IGF2BP2: variants seen among roughly 807,000 people sequenced by gnomAD.
The protein encoded by IGF2BP2 is insulin-like growth factor 2 mRNA-binding protein 2.
IGF2BP2 carries 17 observed loss-of-function variants against 75.8 expected under a neutral mutation model. The observed-to-expected ratio is 0.22, with a 90% CI of 0.15 to 0.34. The LOEUF is 0.34. Ranked by LOEUF, IGF2BP2 falls within the 10% of genes least tolerant of loss-of-function variation. The pLI is 1.00. For synonymous variants in IGF2BP2, 288 were observed against 295.6 expected, an observed-to-expected ratio of 0.97 and a Z score of 0.26; for missense variants, 516 against 772.4, an observed-to-expected ratio of 0.67 and a Z score of 3.93.
At chr3:185,651,000 C>T (rs2149055945) in intron 13 of IGF2BP2, among the ~76,000 whole-genome samples, 1 of 152,338 alleles carries the variant, frequency 6.6e-6, no homozygotes, top group South Asian at 2.1e-4. Context: ...CCTTGAACTT[C>T]TGGGTTCAAG....
At chr3:185,677,044 G>GATAGATATATATATAT (rs1553855687) in intron 7 of IGF2BP2, among the ~76,000 whole-genome samples, 1 of 23,860 alleles carries the variant, frequency 4.2e-5, no homozygotes, top group Non-Finnish European at 6.5e-5. Flanking sequence ...TATATATGGA[G>GATAGATATATATATAT]ATATATATAT....
At chr3:185,716,475 T>C (rs1325823677) in intron 2 of IGF2BP2, 2 of 519,800 alleles carry the variant, frequency 3.8e-6, no homozygotes, top group Admixed American at 1.9e-5. Flanking sequence ...TCTCTTCTTA[T>C]GTCTCTGCTA....
intron 2 of IGF2BP2, among the ~76,000 whole-genome samples, chr3:185,709,779 T>C (rs1042382726): frequency 6.6e-6 from 1 of 152,128 alleles, no homozygotes. Flanking sequence ...TCCATGTAAA[T>C]CAAAGAGTAT....
intron 12 of IGF2BP2, among the ~76,000 whole-genome samples, chr3:185,656,037 T>C (rs1715382368): frequency 6.6e-6 from 1 of 152,270 alleles, no homozygotes; most frequent in Non-Finnish European, 1.5e-5. Flanking sequence ...CACTTTTCTC[T>C]GCTGAACAAG....
chr3:185,763,128 T>C lies in IGF2BP2; in HGVS notation c.239+60025A>G, dbSNP rs1397312456. On this transcript the variant is annotated intron_variant, in intron 2 of 15. Transcript: ENST00000382199. ...AGATTCTAATTTAACTGGTCTGGGA[T>C]TGGATCCAGGCACTGGTATTTTTTT... Among the ~76,000 whole-genome samples, 4 of 152,108 alleles carry C rather than the reference T, an allele frequency of 2.6e-5. No homozygotes were observed. In the East Asian group the frequency reaches 7.7e-4, roughly 29 times the overall value.
At chr3:185,748,663 C>T (rs1025697869) in intron 2 of IGF2BP2, among the ~76,000 whole-genome samples, 2 of 152,164 alleles carry the variant, frequency 1.3e-5, no homozygotes, top group African/African-American at 4.8e-5. Flanking sequence ...ACAGCCTGCA[C>T]GGTGGCAACC....
At chr3:185,769,589 C>T (rs546505928) in intron 2 of IGF2BP2, among the ~76,000 whole-genome samples, 5 of 152,082 alleles carry the variant, frequency 3.3e-5, no homozygotes, top group East Asian at 1.9e-4. Flanking sequence ...GTAATCCCAA[C>T]ACTTTTGGAG....
At chr3:185,807,288 T>C (rs1739151735) in intron 2 of IGF2BP2, among the ~76,000 whole-genome samples, 1 of 152,106 alleles carries the variant, frequency 6.6e-6, no homozygotes, top group Non-Finnish European at 1.5e-5. Flanking sequence ...AAACCTGAGG[T>C]TGAATGCTAA....
intron 10 of IGF2BP2, among the ~76,000 whole-genome samples, chr3:185,671,042 C>T (rs1718429049): frequency 6.6e-6 from 1 of 152,190 alleles, no homozygotes; most frequent in Non-Finnish European, 1.5e-5. Context: ...GGTTGTACCT[C>T]ATTGGGCCAT....
At chr3:185,780,221 G>A (rs1735032658) in intron 2 of IGF2BP2, among the ~76,000 whole-genome samples, 2 of 152,176 alleles carry the variant, frequency 1.3e-5, no homozygotes, top group African/African-American at 2.4e-5. Context: ...GGTCTGGAAA[G>A]ACAGATAATG....
intron 2 of IGF2BP2, among the ~76,000 whole-genome samples, chr3:185,715,019 C>T (rs1725375442): frequency 6.6e-6 from 1 of 152,174 alleles, no homozygotes; most frequent in Admixed American, 6.5e-5. Context: ...ACATGCCGCA[C>T]TGCCAAGGGA....
intron 7 of IGF2BP2, among the ~76,000 whole-genome samples, chr3:185,685,270 C>T (rs1419341582): frequency 5.9e-5 from 9 of 151,840 alleles, no homozygotes; most frequent in Non-Finnish European, 1.3e-4. Flanking sequence ...ATTGCTTGAA[C>T]CCGGGAGACG....
chr3:185,741,437 C>A (rs796881249), intron 2 of IGF2BP2, among the ~76,000 whole-genome samples: 35 of 152,306 alleles, frequency 2.3e-4, no homozygotes, highest in African/African-American at 7.7e-4. Context: ...AGATTCATTT[C>A]TTTCCTATTC....
intron 2 of IGF2BP2, among the ~76,000 whole-genome samples, chr3:185,765,214 C>G (rs1732885524): frequency 6.6e-6 from 1 of 152,164 alleles, no homozygotes; most frequent in African/African-American, 2.4e-5. Flanking sequence ...AACTTCTGCT[C>G]TACACACTGT....
At position 185,687,069 on chromosome 3, in the gene IGF2BP2, T is replaced by A; in HGVS notation, c.800A>T (p.Asp267Val). The change falls in exon 7 of 16, where the codon GAT (aspartate) becomes GTT (valine). Residue 267 changes from aspartate to valine, a missense_variant. Asp to Val is a radical substitution (Grantham distance 152, BLOSUM62 -3). This residue lies in a region of IGF2BP2 where 312 missense variants were observed against 474.5 expected (regional missense o/e 0.66). Transcript: ENST00000382199. ...CATGCAAACTTACAGTTTGGTCTCATCTGCCTCTTTCTGCATGATTTCAAG... is the reference window on the plus strand; with the variant it reads ...CATGCAAACTTACAGTTTGGTCTCAACTGCCTCTTTCTGCATGATTTCAAG... ...MILEIMQKEA[D>V]ETKLAEEIPL... 6.2e-7 allele frequency: 1 copy of A among 1,612,872 alleles called. No homozygotes were observed. The highest frequency in any genetic ancestry group is 8.5e-7 in the Non-Finnish European group (1 of 1,179,868).
intron 1 of IGF2BP2, 168 bp from the exon 2 acceptor site, chr3:185,823,381 T>C (rs999359323): frequency 4.1e-6 from 2 of 488,974 alleles, no homozygotes; most frequent in African/African-American, 4.0e-5. Context: ...GAAAGAAAGG[T>C]GGGCGCCCCG....
chr3:185,706,599 T>A (rs1251302152), intron 2 of IGF2BP2, among the ~76,000 whole-genome samples: 1 of 152,200 alleles, frequency 6.6e-6, no homozygotes, highest in African/African-American at 2.4e-5. Flanking sequence ...CCTTCAGGAT[T>A]CTATAAATCT....
chr3:185,658,172 G>A (rs927290923), intron 11 of IGF2BP2, among the ~76,000 whole-genome samples, 169 bp downstream of exon 11: 18 of 152,184 alleles, frequency 1.2e-4, no homozygotes, highest in South Asian at 2.1e-4. Flanking sequence ...AAGAGCACTC[G>A]GGTGCTGGGG....
At chr3:185,663,692 A>C (rs1716841817) in intron 10 of IGF2BP2, among the ~76,000 whole-genome samples, 1 of 152,098 alleles carries the variant, frequency 6.6e-6, no homozygotes, top group South Asian at 2.1e-4. Context: ...AATTATGTTT[A>C]ATTGATCTTT....
Sources: gnomAD v4.1 joint callset for allele counts (sites outside exome capture counted in the v4.1 genomes callset) on GRCh38, gnomAD v4.1.1 for gene constraint, gnomAD v4.1.1 regional missense constraint, MANE v1.5 for transcripts, NCBI Gene and HGNC (gene_info 2026-07-23, HGNC 2026-07-21) for gene names.